ZNF146: variants seen among roughly 807,000 people sequenced by gnomAD.
ZNF146 encodes the protein zinc finger protein 146.
Under a neutral mutation model 22.2 loss-of-function variants are expected in ZNF146, and 9 were observed. The ratio of observed to expected loss-of-function variants is 0.41; its 90% CI spans 0.24 to 0.71. The LOEUF is 0.71. Among genes scored for constraint, ZNF146 ranks in the 30% least tolerant of loss-of-function variants. ZNF146 has a pLI of 0.34. For synonymous variants in ZNF146, 108 were observed against 119.2 expected (o/e 0.91, Z 0.61); for missense variants, 194 against 344.8 (o/e 0.56, Z 3.46).
chr19:36,216,488 T>A (rs941802568), intron 1 of ZNF146, among the ~76,000 whole-genome samples: 2 of 151,456 alleles, frequency 1.3e-5, no homozygotes, highest in East Asian at 1.9e-4. Flanking sequence ...TAAAAAAAAA[T>A]AAAATAAAAA....
intron 2 of ZNF146, among the ~76,000 whole-genome samples, chr19:36,219,027 C>T (rs943303885): frequency 6.6e-6 from 1 of 151,902 alleles, no homozygotes; most frequent in Non-Finnish European, 1.5e-5. Context: ...CCAGGATGGT[C>T]TCCATCTCCT....
intron 2 of ZNF146, among the ~76,000 whole-genome samples, chr19:36,222,244 T>C (rs1472989344): frequency 1.3e-5 from 2 of 152,202 alleles, no homozygotes; most frequent in Non-Finnish European, 2.9e-5. Context: ...TTCTTAATCA[T>C]AATCTTTAAA....
chr19:36,235,190 C>T (rs150676417), intron 3 of ZNF146, among the ~76,000 whole-genome samples: 6 of 148,610 alleles, frequency 4.0e-5, no homozygotes, highest in African/African-American at 1.0e-4. Flanking sequence ...GCCTGGATAA[C>T]GAGCGAAATT....
At chr19:36,232,972 A>T (rs1307033041) in intron 3 of ZNF146, among the ~76,000 whole-genome samples, 1 of 152,178 alleles carries the variant, frequency 6.6e-6, no homozygotes, top group African/African-American at 2.4e-5. Flanking sequence ...CCCCATGTGG[A>T]TTGAATAATT....
intron 2 of ZNF146, chr19:36,228,427 A>G (rs533480749): frequency 4.9e-4 from 75 of 152,370 alleles, no homozygotes; most frequent in African/African-American, 1.8e-3. Context: ...CACTCACACA[A>G]GGTGTGAACA....
intron 2 of ZNF146, among the ~76,000 whole-genome samples, chr19:36,225,567 C>T (rs1977028634): frequency 6.6e-6 from 1 of 151,830 alleles, no homozygotes; most frequent in Non-Finnish European, 1.5e-5. Flanking sequence ...CCTTTTGTCT[C>T]AGCCTGTCAA....
chr19:36,236,528 A>G lies in ZNF146; in HGVS notation c.88A>G (p.Asn30Asp). The G allele has an allele frequency of 1.2e-6, 2 of 1,614,184 alleles. No homozygotes were observed. The highest frequency in any genetic ancestry group is 2.2e-5 in the South Asian group (2 of 91,086). Reference protein sequence around the residue: ...VCGKVFSHKSNLTEHEHFHTR... With the variant: ...VCGKVFSHKSDLTEHEHFHTR... ...TGGAAAAGTCTTCAGCCACAAATCA[A>G]ACCTCACTGAGCATGAGCATTTTCA... Residue 30 changes from asparagine (N) to aspartate (D), a missense_variant, in exon 4 of 4, where the codon AAC becomes GAC. Transcript: ENST00000443387.
rs1211516668 is a variant in ZNF146 at position 36,227,792 on chromosome 19, G to A, written c.-854-956G>A. The stretch of plus-strand genomic sequence containing the variant: ...GGTCTTGAACTCCTGCACTCAAAAC[G>A]ATTCACCCACTTCCGGCCTCCCGAA... On this transcript the variant is annotated intron_variant, in intron 2 of 3. Transcript: ENST00000443387. 3.3e-5 allele frequency among the ~76,000 whole-genome samples: 5 copies of A among 152,084 alleles called. No individual in the cohort carries two copies. The South Asian group carries it at 6.2e-4, about 19-fold the overall frequency.
chr19:36,231,854 C>G (rs1977384950), intron 3 of ZNF146, among the ~76,000 whole-genome samples: 1 of 151,800 alleles, frequency 6.6e-6, no homozygotes, highest in Non-Finnish European at 1.5e-5. Context: ...TCTCTTGAGC[C>G]TAGGAGTTCT....
chr19:36,233,518 G>A (rs754592542), intron 3 of ZNF146, among the ~76,000 whole-genome samples: 3 of 152,052 alleles, frequency 2.0e-5, no homozygotes, highest in Admixed American at 6.6e-5. Flanking sequence ...CAAGAGGACC[G>A]GCCTCTTGAG....
At position 36,237,718 on chromosome 19, in the gene ZNF146, G is replaced by T. The variant is rs1977696204; in HGVS notation, c.*399G>T. The T allele has an allele frequency of 5.6e-6, 1 of 177,254 alleles. No homozygotes were observed. Among genetic ancestry groups the T allele is most frequent in the South Asian group, 1.7e-4 (1 of 5,754 alleles). The allele number at this position is 177,254 out of a possible 1,614,324, so 11.0% of individuals were successfully genotyped here. ...ATCTACAACTAATATTAAGACTCCT[G>T]TGGTATTGATTGAGCAGAGCAGAAG... is the stretch of plus-strand genomic sequence containing the variant. On this transcript the variant is annotated 3_prime_UTR_variant, in exon 4 of 4. Transcript: ENST00000443387.
intron 3 of ZNF146, among the ~76,000 whole-genome samples, chr19:36,231,161 G>A (rs1599985195): frequency 6.6e-6 from 1 of 152,088 alleles, no homozygotes; most frequent in Admixed American, 6.6e-5. Context: ...CCAGGAGTTC[G>A]AGACCAGCCT....
chr19:36,236,514 T>C lies in ZNF146; in HGVS notation c.74T>C (p.Phe25Ser). 6.2e-7 allele frequency: 1 copy of C among 1,614,178 alleles called. No individual in the cohort carries two copies. The highest frequency in any genetic ancestry group is 8.5e-7 in the Non-Finnish European group (1 of 1,180,022). ...GCCTGTAAGGTATGTGGAAAAGTCTTCAGCCACAAATCAAACCTCACTGAG... is the reference window on the plus strand; with the variant it reads ...GCCTGTAAGGTATGTGGAAAAGTCTCCAGCCACAAATCAAACCTCACTGAG... ...PFACKVCGKVFSHKSNLTEHE... is the reference protein window; with the variant it reads ...PFACKVCGKVSSHKSNLTEHE... Residue 25 changes from phenylalanine to serine, a missense_variant, in exon 4 of 4, where the codon TTC becomes TCC. Phe to Ser is a radical substitution (Grantham distance 155, BLOSUM62 -2). Coordinates refer to ENST00000443387, the MANE Select transcript of ZNF146 (RefSeq NM_007145.3).
At chr19:36,233,215 TCTA>T (rs1400706499) in intron 3 of ZNF146, among the ~76,000 whole-genome samples, 4 of 152,094 alleles carry the variant, frequency 2.6e-5, no homozygotes, top group Non-Finnish European at 4.4e-5. Context: ...AAATCCTGTC[TCTA>T]CTAAAAATAC....
intron 2 of ZNF146, among the ~76,000 whole-genome samples, chr19:36,226,829 T>A (rs975136631): frequency 3.9e-5 from 6 of 152,214 alleles, no homozygotes; most frequent in African/African-American, 1.4e-4. Flanking sequence ...CTCACAACTG[T>A]AATCCCAGCC....
At chr19:36,217,220 C>G (rs1976649252) in intron 1 of ZNF146, among the ~76,000 whole-genome samples, 1 of 151,138 alleles carries the variant, frequency 6.6e-6, no homozygotes, top group Non-Finnish European at 1.5e-5. Context: ...GCCACCACAC[C>G]CGGCTACTTT....
At position 36,235,677 on chromosome 19, in the gene ZNF146, A is replaced by T. The variant is rs1287152373; in HGVS notation, c.-764A>T. 1 of 152,276 alleles carries T rather than the reference A, an allele frequency of 6.6e-6. No individual in the cohort carries two copies. The highest frequency in any genetic ancestry group is 2.4e-5 in the African/African-American group (1 of 41,464). The allele number at this position is 152,276 out of a possible 1,614,324, so 9.4% of individuals were successfully genotyped here. ...ATTTTAGAAGAAGCCTGAGAAGATG[A>T]TGCACAGATAGAGAGGCACCAGGAC... On this transcript the variant is annotated 5_prime_UTR_variant, in exon 4 of 4. The change abolishes an upstream ATG in the 5' untranslated region. Transcript: ENST00000443387.
intron 2 of ZNF146, among the ~76,000 whole-genome samples, chr19:36,227,389 C>CAA (rs35503795): frequency 7.4e-4 from 79 of 106,822 alleles, no homozygotes; most frequent in South Asian, 6.0e-4. Context: ...GTCTCTGTCA[C>CAA]AAAAAAAAAA....
At chr19:36,219,695 C>G (rs536544178) in intron 2 of ZNF146, among the ~76,000 whole-genome samples, 79 of 152,166 alleles carry the variant, frequency 5.2e-4, no homozygotes, top group Admixed American at 9.8e-4. Context: ...GGTTTTAAAA[C>G]CAATACATAA....
Sources: allele counts gnomAD v4.1 joint callset (sites outside exome capture counted in the v4.1 genomes callset), GRCh38; gene constraint gnomAD v4.1.1; transcripts MANE v1.5; gene names NCBI Gene and HGNC (gene_info 2026-07-23, HGNC 2026-07-21).